USP34: variants seen among roughly 807,000 people sequenced by gnomAD.
USP34 encodes ubiquitin carboxyl-terminal hydrolase 34.
A neutral mutation model predicts 460.3 loss-of-function variants in USP34; 70 were observed. That is an observed-to-expected ratio of 0.15 (90% CI 0.13 to 0.19). The LOEUF is 0.19. USP34 is among the 10% of genes least tolerant of loss of function. The pLI is 1.00. For synonymous variants in USP34, 1,647 were observed against 1,405.3 expected, an observed-to-expected ratio of 1.17 and a Z score of -3.85; for missense variants, 3,985 against 4,236.2, an observed-to-expected ratio of 0.94 and a Z score of 1.65.
intron 53 of USP34, among the ~76,000 whole-genome samples, chr2:61,240,570 G>A (rs969517777): frequency 4.0e-5 from 6 of 151,148 alleles, no homozygotes; most frequent in African/African-American, 9.7e-5. Flanking sequence ...GAGCCACCGC[G>A]CCCAGCCCAT....
rs749333056 is a variant in USP34 at position 61,192,910 on chromosome 2, G to C, written c.9579C>G (p.Cys3193Trp). 5.6e-6 allele frequency: 9 copies of C among 1,613,250 alleles called. No homozygotes were observed. The Admixed American group carries it at 1.5e-4, about 27-fold the overall frequency. Residue 3193 changes from cysteine to tryptophan, a missense_variant, in exon 76 of 80, where the codon TGC (cysteine) becomes TGG (tryptophan). By Grantham distance (215) the Cys-to-Trp change is radical. Around this residue, in one of 14 missense-constraint regions of USP34, gnomAD observed 506 missense variants for 439.0 expected, o/e 1.15. Coordinates refer to ENST00000398571, the MANE Select transcript of USP34 (RefSeq NM_014709.4). ...AACTCATTTTCTTTACCTGAGTCTG[G>C]CATAGCTCAGTCCAAAGTTTGGGGA... Reference protein sequence around the residue: ...ALFPKLWTELCQTQSAMSKNC... With the variant: ...ALFPKLWTELWQTQSAMSKNC...
intron 41 of USP34, among the ~76,000 whole-genome samples, chr2:61,270,383 C>T (rs1316741597): frequency 1.3e-5 from 2 of 152,208 alleles, no homozygotes; most frequent in African/African-American, 4.8e-5. Context: ...TACTCCCAGC[C>T]TCCAGAATTG....
intron 53 of USP34, among the ~76,000 whole-genome samples, chr2:61,240,521 G>A (rs899651396): frequency 6.6e-6 from 1 of 151,420 alleles, no homozygotes; most frequent in African/African-American, 2.4e-5. Context: ...CTCGTGATCC[G>A]CCCGCCTCGG....
chr2:61,283,584 T>A (rs1157940030), intron 35 of USP34, 135 bp from the exon 36 acceptor site: 2 of 725,470 alleles, frequency 2.8e-6, no homozygotes, highest in Non-Finnish European at 2.2e-6. Flanking sequence ...TGAGTGAGAG[T>A]GAGAGTGAGA....
chr2:61,347,823 T>A, intron 15 of USP34, 47 bp downstream of exon 15: 2 of 1,589,444 alleles, frequency 1.3e-6, no homozygotes, highest in Non-Finnish European at 1.7e-6. Context: ...ATATAATACT[T>A]CCCTAAAGGA....
chr2:61,289,285 A>G (rs1300450729), intron 33 of USP34, among the ~76,000 whole-genome samples: 1 of 152,186 alleles, frequency 6.6e-6, no homozygotes, highest in East Asian at 1.9e-4. Flanking sequence ...TGTGTCTCCC[A>G]ACGAGTGGCA....
chr2:61,299,259 G>A (rs1690144669), intron 29 of USP34, among the ~76,000 whole-genome samples: 2 of 152,106 alleles, frequency 1.3e-5, no homozygotes, highest in Non-Finnish European at 2.9e-5. Context: ...AGAAAGAAAA[G>A]CATACTAGCC....
At chr2:61,253,206 G>A (rs1376812904) in intron 48 of USP34, among the ~76,000 whole-genome samples, 1 of 152,202 alleles carries the variant, frequency 6.6e-6, no homozygotes, top group Non-Finnish European at 1.5e-5. Flanking sequence ...CTGACTACCT[G>A]GGAGAGATGT....
At position 61,236,168 on chromosome 2, in the gene USP34, G is replaced by A; in HGVS notation, c.6911C>T (p.Thr2304Ile). ...LPDPKAVSLMTAKLSTSFVLE... is the reference protein window; with the variant it reads ...LPDPKAVSLMIAKLSTSFVLE... ...AGTTCATATATTTATTACCTTTGCT[G>A]TCATTAAGGACACAGCTTTAGGATC... The change falls in exon 55 of 80, where the codon ACA becomes ATA. Residue 2304 changes from threonine to isoleucine, a missense_variant. Physicochemically the swap from Thr to Ile is moderately conservative, Grantham distance 89. Transcript: ENST00000398571. 1 of 1,609,436 alleles carries A rather than the reference G, an allele frequency of 6.2e-7. No individual in the cohort carries two copies. Among genetic ancestry groups the A allele is most frequent in the Non-Finnish European group, 8.5e-7 (1 of 1,178,396 alleles).
At chr2:61,362,262 A>G (rs987726659) in intron 10 of USP34, among the ~76,000 whole-genome samples, 1 of 152,212 alleles carries the variant, frequency 6.6e-6, no homozygotes, top group Non-Finnish European at 1.5e-5. Flanking sequence ...TCCTCAAAAA[A>G]TTAAACAGAA....
chr2:61,418,637 T>C (rs1432371029), intron 2 of USP34, among the ~76,000 whole-genome samples: 1 of 152,174 alleles, frequency 6.6e-6, no homozygotes, highest in Non-Finnish European at 1.5e-5. Flanking sequence ...TATCCGCTAA[T>C]TAGAACGACA....
At chr2:61,278,321 A>G (rs1689434601) in intron 40 of USP34, 36 bp from the exon 41 acceptor site, 1 of 1,609,730 alleles carries the variant, frequency 6.2e-7, no homozygotes, top group African/African-American at 1.3e-5. Flanking sequence ...CAAGCAAGAT[A>G]GTTCACATAA....
At chr2:61,282,155 A>G (rs1221317135) in intron 37 of USP34, among the ~76,000 whole-genome samples, 17 of 151,840 alleles carry the variant, frequency 1.1e-4, no homozygotes. Context: ...ATACCCAGCT[A>G]ATTTTTTGTA....
intron 75 of USP34, among the ~76,000 whole-genome samples, chr2:61,201,434 C>T (rs376786474): frequency 2.0e-5 from 3 of 152,002 alleles, no homozygotes; most frequent in Admixed American, 1.3e-4. Flanking sequence ...AGGATGGTCT[C>T]GATCTCTTGA....
intron 3 of USP34, 76 bp downstream of exon 3, chr2:61,405,632 A>T: frequency 7.7e-7 from 1 of 1,297,606 alleles, no homozygotes; most frequent in Non-Finnish European, 1.0e-6. Flanking sequence ...AACTGTCTTC[A>T]TATTTATCAG....
At chr2:61,364,839 A>T (rs1017014180) in intron 10 of USP34, among the ~76,000 whole-genome samples, 5 of 152,132 alleles carry the variant, frequency 3.3e-5, no homozygotes, top group African/African-American at 1.2e-4. Flanking sequence ...CTAAGGTAGA[A>T]GTATTGCTTG....
chr2:61,210,352 T>A (rs12998475), intron 69 of USP34, among the ~76,000 whole-genome samples: 1 of 152,052 alleles, frequency 6.6e-6, no homozygotes, highest in African/African-American at 2.4e-5. Context: ...TACGTTTAGA[T>A]ACACAAATAC....
At position 61,396,268 on chromosome 2, in the gene USP34, G is replaced by A. The variant is rs146087520; in HGVS notation, c.553-1035C>T. Among the ~76,000 whole-genome samples, 20 of 152,226 alleles carry A rather than the reference G, an allele frequency of 1.3e-4. No homozygotes were observed. In the East Asian group the frequency reaches 3.5e-3, roughly 26 times the overall value. The stretch of plus-strand genomic sequence containing the variant: ...AAAAGCACAGTTATCCATTGTTGGT[G>A]AGTATAAGTTCGTATGAACTTTTTG... On this transcript the variant is annotated intron_variant, in intron 3 of 79. Transcript: ENST00000398571.
chr2:61,267,328 A>T (rs1284657433), intron 41 of USP34, among the ~76,000 whole-genome samples: 2 of 152,174 alleles, frequency 1.3e-5, no homozygotes, highest in Non-Finnish European at 2.9e-5. Flanking sequence ...AAATTTTTGA[A>T]ATGTTTTTCC....
Sources: allele counts gnomAD v4.1 joint callset (sites outside exome capture counted in the v4.1 genomes callset), GRCh38; gene constraint gnomAD v4.1.1; regional missense constraint gnomAD v4.1.1; transcripts MANE v1.5; gene names NCBI Gene and HGNC (gene_info 2026-07-23, HGNC 2026-07-21).